The following GALNT13 variants were observed in gnomAD, a reference collection of about 807,000 sequenced individuals.
The protein encoded by GALNT13 is polypeptide N-acetylgalactosaminyltransferase 13.
GALNT13 carries 28 observed loss-of-function variants against 64.2 expected under a neutral mutation model. The observed-to-expected ratio is 0.44, with a 90% confidence interval of 0.32 to 0.60. GALNT13 has a LOEUF of 0.60. Ranked by LOEUF, GALNT13 falls within the 20% of genes least tolerant of loss-of-function variation. The pLI is 0.05. For synonymous variants in GALNT13, 214 were observed against 224.6 expected, an observed-to-expected ratio of 0.95 and a Z score of 0.42; for missense variants, 577 against 669.8, an observed-to-expected ratio of 0.86 and a Z score of 1.53.
the GALNT13 span, among the ~76,000 whole-genome samples, chr2:153,506,616 A>G: frequency 6.6e-6 from 1 of 152,228 alleles, no homozygotes; most frequent in Non-Finnish European, 1.5e-5. Flanking sequence ...TTTGCTGGAT[A>G]CAAAATTCTT....
rs116674295 is a variant in GALNT13 at position 154,116,942 on chromosome 2, G to A, written c.143-23395G>A. The stretch of plus-strand genomic sequence containing the variant: ...TTATTACGTATTCACTCACACACTC[G>A]CAATGTCCCACAGTAGGCCAGCTGC... On this transcript the variant is annotated intron_variant, in intron 3 of 12. Coordinates refer to ENST00000392825, the MANE Select transcript of GALNT13 (RefSeq NM_052917.4). Among the ~76,000 whole-genome samples, 691 of 152,012 alleles carry A rather than the reference G, an allele frequency of 4.5e-3. 10 individuals are homozygous for A. Among genetic ancestry groups the A allele is most frequent in the African/African-American group, 0.016 (647 of 41,432 alleles).
the GALNT13 span, among the ~76,000 whole-genome samples, chr2:153,843,449 C>T: frequency 2.0e-5 from 3 of 152,220 alleles, no homozygotes; most frequent in Non-Finnish European, 4.4e-5. Context: ...AAACATCTCC[C>T]ACCAGACCCC....
chr2:154,173,155 A>G (rs1046536083), intron 4 of GALNT13, among the ~76,000 whole-genome samples: 16 of 151,930 alleles, frequency 1.1e-4, no homozygotes, highest in Non-Finnish European at 2.9e-5. Flanking sequence ...ACAGAATAGA[A>G]GACCCAGATA....
At chr2:153,129,943 A>T in the GALNT13 span, among the ~76,000 whole-genome samples, 1 of 152,224 alleles carries the variant, frequency 6.6e-6, no homozygotes, top group Non-Finnish European at 1.5e-5. Context: ...GCTCTTTAAA[A>T]TGTGCAGAGA....
At chr2:154,425,666 T>C (rs1222945297) in intron 11 of GALNT13, among the ~76,000 whole-genome samples, 1 of 152,076 alleles carries the variant, frequency 6.6e-6, no homozygotes, top group Non-Finnish European at 1.5e-5. Context: ...CAGAAGACCA[T>C]TACAAAAAGA....
the GALNT13 span, among the ~76,000 whole-genome samples, chr2:153,438,568 C>A: frequency 1.3e-5 from 2 of 152,148 alleles, no homozygotes; most frequent in African/African-American, 4.8e-5. Flanking sequence ...TGCTTCATTT[C>A]ATTCATTTCT....
At chr2:153,077,249 G>A in the GALNT13 span, among the ~76,000 whole-genome samples, 2 of 151,870 alleles carry the variant, frequency 1.3e-5, no homozygotes. Context: ...ACCATGCCTG[G>A]CTCCATTGCC....
chr2:153,303,142 T>G, the GALNT13 span, among the ~76,000 whole-genome samples: 775 of 152,304 alleles, frequency 5.1e-3, 4 homozygotes, highest in Non-Finnish European at 8.8e-3. Flanking sequence ...ATATGGCCAT[T>G]TTTACAATAT....
intron 4 of GALNT13, among the ~76,000 whole-genome samples, chr2:154,203,077 T>C (rs1169211079): frequency 6.6e-6 from 1 of 152,118 alleles, no homozygotes; most frequent in Non-Finnish European, 1.5e-5. Flanking sequence ...TCGGGGGCTA[T>C]AACTGGCCCC....
chr2:153,237,361 T>G, the GALNT13 span, among the ~76,000 whole-genome samples: 31,126 of 151,902 alleles, frequency 0.2, 3,461 homozygotes, highest in African/African-American at 0.24. Context: ...AGTCATCTTT[T>G]TGTTATTTAA....
chr2:153,167,256 C>T, the GALNT13 span, among the ~76,000 whole-genome samples: 1 of 152,308 alleles, frequency 6.6e-6, no homozygotes, highest in African/African-American at 2.4e-5. Flanking sequence ...AAGGGTCATA[C>T]ATTTTTGCCT....
the GALNT13 span, among the ~76,000 whole-genome samples, chr2:153,665,619 G>T: frequency 6.6e-6 from 1 of 152,146 alleles, no homozygotes; most frequent in East Asian, 1.9e-4. Context: ...AGATAAAAAG[G>T]GGGTGAACAA....
Position 154,134,446 on chromosome 2 carries a change from A to C in GALNT13, c.143-5891A>C, listed in dbSNP as rs1026110458. Among the ~76,000 whole-genome samples, 10 of 152,336 alleles carry C rather than the reference A, an allele frequency of 6.6e-5. No individual in the cohort carries two copies. In the East Asian group the frequency reaches 1.7e-3, roughly 26 times the overall value. On this transcript the variant is annotated intron_variant, in intron 3 of 12. Coordinates refer to ENST00000392825, the MANE Select transcript of GALNT13 (RefSeq NM_052917.4). ...TGGTTAATTTTCAATTCACCCATTA[A>C]ATTTCCACTACTTTTTCAGAAGGTA...
the GALNT13 span, among the ~76,000 whole-genome samples, chr2:153,173,749 C>A: frequency 6.6e-6 from 1 of 152,148 alleles, no homozygotes; most frequent in Non-Finnish European, 1.5e-5. Flanking sequence ...ATTTTTAAGT[C>A]CCAAATCTCA....
At chr2:153,336,071 A>G in the GALNT13 span, among the ~76,000 whole-genome samples, 8 of 152,174 alleles carry the variant, frequency 5.3e-5, no homozygotes, top group Non-Finnish European at 1.0e-4. Context: ...GAGGTTTGGG[A>G]ACATCCACCT....
chr2:154,216,962 T>A (rs554068816), intron 4 of GALNT13, among the ~76,000 whole-genome samples: 174 of 151,564 alleles, frequency 1.1e-3, no homozygotes, highest in African/African-American at 4.0e-3. Flanking sequence ...CTATTTTTTT[T>A]TTTTTATTTT....
the GALNT13 span, among the ~76,000 whole-genome samples, chr2:153,717,534 A>G: frequency 6.6e-6 from 1 of 152,216 alleles, no homozygotes; most frequent in African/African-American, 2.4e-5. Context: ...TATTATGTAG[A>G]GGATGAACAC....
chr2:153,641,494 T>C, the GALNT13 span, among the ~76,000 whole-genome samples: 1 of 152,182 alleles, frequency 6.6e-6, no homozygotes, highest in East Asian at 1.9e-4. Context: ...TTCTCACTCA[T>C]TCTCCCCATC....
chr2:154,263,829 C>G (rs1367357523), intron 8 of GALNT13, among the ~76,000 whole-genome samples: 3 of 152,092 alleles, frequency 2.0e-5, no homozygotes, highest in Non-Finnish European at 4.4e-5. Flanking sequence ...TTACCATTCT[C>G]CTCGTCATTC....
Sources: gnomAD v4.1 joint callset for allele counts (sites outside exome capture counted in the v4.1 genomes callset) on GRCh38, gnomAD v4.1.1 for gene constraint, MANE v1.5 for transcripts, NCBI Gene and HGNC (gene_info 2026-07-23, HGNC 2026-07-21) for gene names.